LSP1: variants seen among roughly 807,000 people sequenced by gnomAD.
The protein encoded by LSP1 is lymphocyte specific protein 1, also known as lymphocyte-specific protein 1.
A neutral mutation model predicts 49.3 loss-of-function variants in LSP1; 32 were observed. The observed-to-expected ratio is 0.65, with a 90% CI of 0.49 to 0.87. The LOEUF (loss-of-function observed/expected upper bound fraction) is 0.87. LSP1 is among the 40% of genes least tolerant of loss of function. The probability of loss-of-function intolerance (pLI) is 0.00; values close to 1 mark genes in which losing one functional copy is unlikely to be tolerated. For synonymous variants in LSP1, 179 were observed against 178.8 expected, an observed-to-expected ratio of 1.00 and a Z score of -0.01; for missense variants, 428 against 442.6, an observed-to-expected ratio of 0.97 and a Z score of 0.30.
chr11:1,857,241 G>A (rs939031904), intron 1 of LSP1, among the ~76,000 whole-genome samples: 6 of 152,130 alleles, frequency 3.9e-5, no homozygotes, highest in African/African-American at 7.2e-5. Context: ...TTCTTCCTGC[G>A]CCCCCTTCCT....
intron 1 of LSP1, among the ~76,000 whole-genome samples, chr11:1,877,153 G>A (rs1030070768): frequency 1.3e-5 from 2 of 152,190 alleles, no homozygotes; most frequent in African/African-American, 4.8e-5. Context: ...CTGGCCGGGG[G>A]GCGCCTTTCC....
intron 1 of LSP1, among the ~76,000 whole-genome samples, chr11:1,861,656 T>C (rs1276222259): frequency 6.6e-6 from 1 of 151,790 alleles, no homozygotes; most frequent in Non-Finnish European, 1.5e-5. Context: ...AGTGAATGGA[T>C]GGATGGATGG....
intron 3 of LSP1, 109 bp from the exon 4 acceptor site, chr11:1,883,310 C>G: frequency 7.1e-7 from 1 of 1,400,878 alleles, no homozygotes; most frequent in Non-Finnish European, 9.9e-7. Flanking sequence ...CTCAAGTAGC[C>G]TGACTACCTT....
rs779033742 is a variant in LSP1 at position 1,887,547 on chromosome 11, G to A, written c.1004G>A (p.Gly335Glu). The change falls in exon 10 of 11, where the codon GGG becomes GAG. Residue 335 changes from glycine to glutamate, a missense_variant. Gly to Glu is a moderately conservative substitution (Grantham distance 98). Transcript: ENST00000311604. ...HGKYEKVLVE[G>E]GPAP ...AAGTATGAGAAGGTGCTTGTGGAAG[G>A]GGGCCCGGCTCCCTAGGCGTCCCAT... 2.5e-6 allele frequency: 4 copies of A among 1,613,916 alleles called. No homozygotes were observed. Among genetic ancestry groups the A allele is most frequent in the Non-Finnish European group, 3.4e-6 (4 of 1,179,960 alleles).
At chr11:1,877,359 G>A (rs1319332171) in intron 1 of LSP1, among the ~76,000 whole-genome samples, 1 of 152,188 alleles carries the variant, frequency 6.6e-6, no homozygotes, top group Non-Finnish European at 1.5e-5. Context: ...TGGGTCAGAG[G>A]CCAGGGGCTG....
At chr11:1,883,363 G>T (rs1848625610) in intron 3 of LSP1, 56 bp from the exon 4 acceptor site, 1 of 1,595,980 alleles carries the variant, frequency 6.3e-7, no homozygotes, top group Non-Finnish European at 8.6e-7. Flanking sequence ...AAAGGAAGGG[G>T]TCAACCAAGC....
intron 1 of LSP1, among the ~76,000 whole-genome samples, chr11:1,856,572 A>G (rs1416605016): frequency 6.6e-6 from 1 of 152,148 alleles, no homozygotes; most frequent in Non-Finnish European, 1.5e-5. Context: ...TGCTGAGCTG[A>G]GTTGGGAAGG....
rs1847455102 is a variant in LSP1 at position 1,855,094 on chromosome 11, C to T, written c.53+1897C>T. On this transcript the variant is annotated intron_variant, in intron 1 of 10. Coordinates refer to ENST00000311604, the MANE Select transcript of LSP1 (RefSeq NM_002339.3). ...CCTGGGCTCTGCAAAGCCTGGACCC[C>T]CTCCTTGGACATCCCCTGCCCCCGC... Among the ~76,000 whole-genome samples, 2 of 152,298 alleles carry T rather than the reference C, an allele frequency of 1.3e-5. 1 individual carries two copies. The highest frequency in any genetic ancestry group is 4.1e-4 in the South Asian group (2 of 4,830).
intron 1 of LSP1, among the ~76,000 whole-genome samples, chr11:1,858,782 T>A (rs977957451): frequency 1.3e-4 from 20 of 151,110 alleles, no homozygotes; most frequent in African/African-American, 4.6e-4. Flanking sequence ...TGCATGGGGG[T>A]GGGGTTGATA....
At chr11:1,874,888 C>T (rs1282235076) in intron 1 of LSP1, among the ~76,000 whole-genome samples, 1 of 152,128 alleles carries the variant, frequency 6.6e-6, no homozygotes, top group African/African-American at 2.4e-5. Context: ...AGGGCTGCCA[C>T]TGTGAGAAGG....
At chr11:1,867,021 G>A (rs1273871146) in intron 1 of LSP1, 11 of 1,133,900 alleles carry the variant, frequency 9.7e-6, no homozygotes, top group South Asian at 1.6e-5. Context: ...CAGGCTCAGG[G>A]CCAGTCCCTG....
Position 1,884,310 on chromosome 11 carries a change from T to C in LSP1, c.622T>C (p.Ser208Pro), listed in dbSNP as rs1247334626. The C allele has an allele frequency of 1.2e-6, 2 of 1,613,860 alleles. No individual in the cohort carries two copies. Among genetic ancestry groups the C allele is most frequent in the Non-Finnish European group, 1.7e-6 (2 of 1,179,956 alleles). Residue 208 changes from serine (S) to proline (P), a missense_variant, in exon 6 of 11, where the codon TCC (serine) becomes CCC (proline). Coordinates refer to ENST00000311604, the MANE Select transcript of LSP1 (RefSeq NM_002339.3). This position sits in a 1 kb window ranked among gnomAD's most constrained non-coding sequence, Gnocchi z 4.1. ...CGACAGGACCGAGTCCCTAAACCGC[T>C]CCATAGAGAAGAGGTCTGTCTGTCT... is the stretch of plus-strand genomic sequence containing the variant. ...LIDRTESLNR[S>P]IEKSNSVKKS...
chr11:1,884,314 TAGAGA>T lies in LSP1; in HGVS notation c.631_635del (p.Lys211Ter). Reference sequence around the variant, plus strand: ...AGGACCGAGTCCCTAAACCGCTCCATAGAGAAGAGGTCTGTCTGTCTGTCTGTCTG... The same window carrying T: ...AGGACCGAGTCCCTAAACCGCTCCATAGAGGTCTGTCTGTCTGTCTGTCTG... On this transcript the variant is annotated frameshift_variant, in exon 6 of 11. Transcript: ENST00000311604. LOFTEE classifies it high-confidence loss of function. This position sits in a 1 kb window ranked among gnomAD's most constrained non-coding sequence, Gnocchi z 4.1. The T allele has an allele frequency of 6.2e-7, 1 of 1,614,054 alleles. No homozygotes were observed. The highest frequency in any genetic ancestry group is 8.5e-7 in the Non-Finnish European group (1 of 1,180,000).
In LSP1 at chr11:1,884,898, C is replaced by T. The variant is rs184382425; in HGVS notation, c.717+317C>T. On this transcript the variant is annotated intron_variant, in intron 7 of 10. Transcript: ENST00000311604. This position sits in a 1 kb window ranked among gnomAD's most constrained non-coding sequence, Gnocchi z 4.1. ...AATACTCCTGCAACCAATACTCCTC[C>T]AATTATTCAGTGTTCCTCCATTCAA... 4.9e-4 allele frequency among the ~76,000 whole-genome samples: 75 copies of T among 152,174 alleles called. No homozygotes were observed. The highest frequency in any genetic ancestry group is 3.4e-3 in the Middle Eastern group (1 of 294).
At chr11:1,856,617 T>C (rs603073) in intron 1 of LSP1, among the ~76,000 whole-genome samples, 53,387 of 152,154 alleles carry the variant, frequency 0.35, 9,661 homozygotes, top group East Asian at 0.54. Context: ...CTGGCAGGGT[T>C]CCTTCTGGCC....
chr11:1,883,820 C>T (rs1323290649), intron 4 of LSP1, 112 bp from the exon 5 acceptor site: 21 of 1,086,852 alleles, frequency 1.9e-5, no homozygotes, highest in Non-Finnish European at 2.8e-5. Flanking sequence ...ACGTCAGGGC[C>T]ACAGAGAACC....
chr11:1,877,456 G>A (rs950860584), intron 1 of LSP1, among the ~76,000 whole-genome samples: 7 of 152,172 alleles, frequency 4.6e-5, no homozygotes, highest in African/African-American at 1.7e-4. Flanking sequence ...CAGGCCCCTA[G>A]CCAGGGAGAG....
At chr11:1,870,529 G>C in intron 1 of LSP1, 1 of 1,173,810 alleles carries the variant, frequency 8.5e-7, no homozygotes, top group Non-Finnish European at 1.1e-6. Context: ...CATGGTGTGG[G>C]GGTGTCAGGA....
At chr11:1,857,112 G>T (rs544466175) in intron 1 of LSP1, among the ~76,000 whole-genome samples, 2 of 152,366 alleles carry the variant, frequency 1.3e-5, no homozygotes, top group African/African-American at 4.8e-5. Flanking sequence ...GGAAGCAGAA[G>T]GATGTCTTCT....
Sources: allele counts gnomAD v4.1 joint callset (sites outside exome capture counted in the v4.1 genomes callset), GRCh38; gene constraint gnomAD v4.1.1; non-coding constraint Gnocchi (gnomAD v3.1); transcripts MANE v1.5; gene names NCBI Gene and HGNC (gene_info 2026-07-23, HGNC 2026-07-21).